The following DNHD1 variants were observed in gnomAD, a reference collection of about 807,000 sequenced individuals.
DNHD1 encodes dynein heavy chain domain-containing protein 1.
In DNHD1, 383 loss-of-function variants were observed where a neutral mutation model predicts 458.1. That is an observed-to-expected ratio of 0.84 (90% CI 0.77 to 0.91). The LOEUF is 0.91. DNHD1 is among the 40% of genes least tolerant of loss of function. DNHD1 has a pLI of 0.00. For synonymous variants in DNHD1, 2,203 were observed against 2,376.9 expected, an observed-to-expected ratio of 0.93 and a Z score of 2.13; for missense variants, 5,336 against 5,866.1, an observed-to-expected ratio of 0.91 and a Z score of 2.95.
At position 6,539,925 on chromosome 11, in the gene DNHD1, G is replaced by A. The variant is rs187615581; in HGVS notation, c.3470G>A (p.Arg1157Gln). The A allele has an allele frequency of 4.1e-5, 63 of 1,551,726 alleles. 1 individual carries two copies. In the East Asian group the frequency reaches 1.1e-3, roughly 27 times the overall value. Residue 1157 changes from arginine to glutamine, a missense_variant, in exon 18 of 43, where the codon CGG (arginine) becomes CAG (glutamine). Arg to Gln is a conservative substitution (Grantham distance 43, BLOSUM62 1). Transcript: ENST00000254579. ...ATTCATGCCCAAGAGACTATACGGC[G>A]GTTGCAGCGGTACTGGGAAGCGCGC... ...ERIHAQETIR[R>Q]LQRYWEARQL...
intron 14 of DNHD1, among the ~76,000 whole-genome samples, chr11:6,534,695 G>A (rs143472257): frequency 6.6e-6 from 1 of 152,168 alleles, no homozygotes; most frequent in Admixed American, 6.5e-5. Flanking sequence ...GTGCAGGTAA[G>A]CTGGTTCCCT....
intron 13 of DNHD1, 39 bp from the exon 14 acceptor site, chr11:6,533,642 G>A: frequency 6.6e-7 from 1 of 1,516,406 alleles, no homozygotes; most frequent in Admixed American, 2.0e-5. Flanking sequence ...AGGTACATGG[G>A]GTTGTGGGGC....
Position 6,563,387 on chromosome 11 carries a change from C to G in DNHD1, c.9675C>G (p.Ser3225Arg). ...GGGTATCTCTCCTCATTTAGATGAGCAAGGCATTTCTGGAGCCTCTGAGCC... is the reference window on the plus strand; with the variant it reads ...GGGTATCTCTCCTCATTTAGATGAGGAAGGCATTTCTGGAGCCTCTGAGCC... ...AQREAFLEQMSKAFLEPLSQL... is the reference protein window; with the variant it reads ...AQREAFLEQMRKAFLEPLSQL... The change falls in exon 30 of 43, where the codon AGC (serine) becomes AGG (arginine). Residue 3225 changes from serine (S) to arginine (R), a missense_variant. This residue lies in a region of DNHD1 where 3,932 missense variants were observed against 4,365.6 expected (regional missense o/e 0.90). Coordinates refer to ENST00000254579, the MANE Select transcript of DNHD1 (RefSeq NM_144666.3). The G allele has an allele frequency of 6.4e-7, 1 of 1,551,670 alleles. No homozygotes were observed. Among genetic ancestry groups the G allele is most frequent in the Non-Finnish European group, 8.7e-7 (1 of 1,146,958 alleles).
chr11:6,539,782 G>T, intron 17 of DNHD1, 94 bp from the exon 18 acceptor site: 1 of 1,192,530 alleles, frequency 8.4e-7, no homozygotes. Flanking sequence ...CCTGGCCCTT[G>T]AGTTCTGCCT....
intron 29 of DNHD1, 58 bp from the exon 30 acceptor site, chr11:6,563,324 T>G (rs77745918): frequency 0.016 from 24,859 of 1,537,956 alleles, 230 homozygotes; most frequent in Middle Eastern, 0.032. Flanking sequence ...AAAAACACCT[T>G]GAAGGAAGAA....
intron 34 of DNHD1, 54 bp from the exon 35 acceptor site, chr11:6,566,533 A>AC: frequency 6.3e-7 from 1 of 1,593,240 alleles, no homozygotes; most frequent in South Asian, 1.1e-5. Context: ...TGTCTACTCT[A>AC]CCCCCTGGCT....
Position 6,528,958 on chromosome 11 carries a change from G to C in DNHD1, c.2184G>C (p.Gly728=), listed in dbSNP as rs1203478179. 1 of 1,551,662 alleles carries C rather than the reference G, an allele frequency of 6.4e-7. No homozygotes were observed. Among genetic ancestry groups the C allele is most frequent in the East Asian group, 2.4e-5 (1 of 40,932 alleles). The change falls in exon 12 of 43, where the codon GGG becomes GGC. Residue 728 remains glycine (G), a synonymous_variant. Coordinates refer to ENST00000254579, the MANE Select transcript of DNHD1 (RefSeq NM_144666.3). ...TGIYEFLQSW[G]PQKLEDMRGG... ...TTTATGAATTCCTGCAATCCTGGGG[G>C]CCTCAGAAGCTGGAAGACATGAGAG...
intron 10 of DNHD1, among the ~76,000 whole-genome samples, chr11:6,524,000 T>A (rs932295607): frequency 1.6e-4 from 24 of 152,124 alleles, no homozygotes; most frequent in African/African-American, 2.4e-4. Flanking sequence ...TTAAAAAAAA[T>A]TTTCTCATTA....
chr11:6,517,468 G>A (rs1852500036), intron 7 of DNHD1, among the ~76,000 whole-genome samples: 2 of 152,008 alleles, frequency 1.3e-5, no homozygotes, highest in South Asian at 4.1e-4. Flanking sequence ...AAACATCGAT[G>A]TGTCCATCAA....
In DNHD1 at chr11:6,498,351, G is replaced by A. The variant is rs144649403; in HGVS notation, c.136G>A (p.Val46Met). ...CTGCCAGCAGAAACAGAGGCAGTTC[G>A]TGAAGCCAGTGACTGAGTCAGAGCA... ...LACQQKQRQF[V>M]KPVTESEQPT... The change falls in exon 3 of 43, where the codon GTG becomes ATG. Residue 46 changes from valine to methionine, a missense_variant. This residue lies in a region of DNHD1 where 3,932 missense variants were observed against 4,365.6 expected (regional missense o/e 0.90). Coordinates refer to ENST00000254579, the MANE Select transcript of DNHD1 (RefSeq NM_144666.3). 2.0e-5 allele frequency: 33 copies of A among 1,614,082 alleles called. No homozygotes were observed. In the African/African-American group the frequency reaches 2.8e-4, roughly 14 times the overall value.
intron 28 of DNHD1, among the ~76,000 whole-genome samples, chr11:6,561,328 T>C (rs1853583699): frequency 6.6e-6 from 1 of 152,106 alleles, no homozygotes; most frequent in South Asian, 2.1e-4. Context: ...CTCAGGAGTC[T>C]GAGGTGGGAG....
At position 6,571,726 on chromosome 11, in the gene DNHD1, G is replaced by A. The variant is rs761013723; in HGVS notation, c.14002G>A (p.Gly4668Arg). 1.9e-6 allele frequency: 3 copies of A among 1,612,668 alleles called. No individual in the cohort carries two copies. In the South Asian group the frequency reaches 3.3e-5, roughly 18 times the overall value. ...ACATGCGGAGTGGGACCCAATAGCT[G>A]GAGCCTTGCAGGACAGTCCTTCCAG... ...VLHAEWDPIA[G>R]ALQDSPSSQP... is the part of the protein sequence containing the mutation. Residue 4668 changes from glycine to arginine, a missense_variant, in exon 43 of 43, where the codon GGA becomes AGA. Physicochemically the swap from Gly to Arg is moderately radical, Grantham distance 125. This residue lies in a region of DNHD1 where 698 missense variants were observed against 664.9 expected (regional missense o/e 1.05). Coordinates refer to ENST00000254579, the MANE Select transcript of DNHD1 (RefSeq NM_144666.3). The surrounding 1 kb of genome is among the most constrained non-coding windows in gnomAD (Gnocchi z 5.0).
Position 6,570,776 on chromosome 11 carries a change from C to T in DNHD1, c.13264C>T (p.Pro4422Ser), listed in dbSNP as rs1475233679. The T allele has an allele frequency of 2.2e-5, 35 of 1,613,194 alleles. No individual in the cohort carries two copies. The highest frequency in any genetic ancestry group is 2.8e-5 in the Non-Finnish European group (33 of 1,179,552). ...ALLSALQRSS[P>S]VWVPESRRGA... is the part of the protein sequence containing the mutation. The stretch of plus-strand genomic sequence containing the variant: ...CTTGAGTGCGCTGCAGCGGAGTTCA[C>T]CCGTGTGGGTTCCTGAGTCTCGAAG... The change falls in exon 42 of 43, where the codon CCC becomes TCC. Residue 4422 changes from proline to serine, a missense_variant. Physicochemically the swap from Pro to Ser is moderately conservative, Grantham distance 74. This residue lies in a region of DNHD1 where 698 missense variants were observed against 664.9 expected (regional missense o/e 1.05). Coordinates refer to ENST00000254579, the MANE Select transcript of DNHD1 (RefSeq NM_144666.3).
chr11:6,532,064 G>A (rs1003599625), intron 12 of DNHD1, among the ~76,000 whole-genome samples: 4 of 152,060 alleles, frequency 2.6e-5, no homozygotes, highest in Non-Finnish European at 5.9e-5. Flanking sequence ...ACTTCAAAGG[G>A]AATTTGTGAG....
chr11:6,557,033 C>A lies in DNHD1; in HGVS notation c.7738C>A (p.Pro2580Thr). ...GGAGGCTGTGTGCAATTGCTTCATG[C>A]CTTCACCCCTCCACCCACACTACCA... ...AWEAVCNCFMPSPLHPHYHFS... is the reference protein window; with the variant it reads ...AWEAVCNCFMTSPLHPHYHFS... Residue 2580 changes from proline to threonine, a missense_variant, in exon 25 of 43, where the codon CCT becomes ACT. Pro to Thr is a conservative substitution (Grantham distance 38). Transcript: ENST00000254579. 9.0e-6 allele frequency: 14 copies of A among 1,551,534 alleles called. No homozygotes were observed. The highest frequency in any genetic ancestry group is 1.2e-5 in the Non-Finnish European group (14 of 1,146,956).
Position 6,497,908 on chromosome 11 carries a change from G to A in DNHD1, c.-308G>A. The stretch of plus-strand genomic sequence containing the variant: ...TTCTGCAAGGAGGGCTCTCACGTCT[G>A]TCTTAGGCCTGCTCCTTACCAGAGT... On this transcript the variant is annotated 5_prime_UTR_variant, in exon 3 of 43. Coordinates refer to ENST00000254579, the MANE Select transcript of DNHD1 (RefSeq NM_144666.3). 1 of 423,980 alleles carries A rather than the reference G, an allele frequency of 2.4e-6. No individual in the cohort carries two copies. Among genetic ancestry groups the A allele is most frequent in the Non-Finnish European group, 4.3e-6 (1 of 230,730 alleles). 26.3% of individuals were successfully genotyped at this position (423,980 alleles called of 1,614,324 possible). A position where few individuals can be genotyped will look rare whatever the true frequency, so the allele number is the denominator to read the frequency against.
At position 6,547,549 on chromosome 11, in the gene DNHD1, G is replaced by A. The variant is rs189145820; in HGVS notation, c.6610G>A (p.Val2204Ile). Reference sequence around the variant, plus strand: ...CCAAGGTGTCAGCTCTCTGCTGCAGGTACACGGGCAGCAGGCTGTTTGTGC... The same window carrying A: ...CCAAGGTGTCAGCTCTCTGCTGCAGATACACGGGCAGCAGGCTGTTTGTGC... Reference protein sequence around the residue: ...TCQGVSSLLQVHGQQAVCAGV... With the variant: ...TCQGVSSLLQIHGQQAVCAGV... Residue 2204 changes from valine (V) to isoleucine (I), a missense_variant, in exon 21 of 43, where the codon GTA becomes ATA. Val to Ile is a conservative substitution (Grantham distance 29). Around this residue, in one of 4 missense-constraint regions of DNHD1, gnomAD observed 3,932 missense variants for 4,365.6 expected, o/e 0.90. Transcript: ENST00000254579. The A allele has an allele frequency of 5.8e-6, 9 of 1,551,124 alleles. No homozygotes were observed. In the Admixed American group the frequency reaches 1.2e-4, roughly 20 times the overall value.
Position 6,545,185 on chromosome 11 carries a change from C to T in DNHD1, c.4246C>T (p.Gln1416Ter), listed in dbSNP as rs1300018306. Residue 1416 changes from glutamine to a stop codon, truncating the protein, a stop_gained, in exon 21 of 43, where the codon CAG becomes TAG. Coordinates refer to ENST00000254579, the MANE Select transcript of DNHD1 (RefSeq NM_144666.3). LOFTEE classifies it high-confidence loss of function. The surrounding 1 kb of genome is among the most constrained non-coding windows in gnomAD (Gnocchi z 4.9). ...TGACTGGGAGTCAAGCCCAAACACACAGACTCAGGTGGAGGCACTTGCAGT... is the reference window on the plus strand; with the variant it reads ...TGACTGGGAGTCAAGCCCAAACACATAGACTCAGGTGGAGGCACTTGCAGT... ...TDDWESSPNTQTQVEALAVLG... is the reference protein window; with the variant it reads ...TDDWESSPNT 2.6e-6 allele frequency: 4 copies of T among 1,551,892 alleles called. No homozygotes were observed. The highest frequency in any genetic ancestry group is 3.5e-6 in the Non-Finnish European group (4 of 1,147,070).
chr11:6,570,607 C>A lies in DNHD1; in HGVS notation c.13106-11C>A, dbSNP rs773509959. 6.3e-7 allele frequency: 1 copy of A among 1,591,222 alleles called. No individual in the cohort carries two copies. Among genetic ancestry groups the A allele is most frequent in the Non-Finnish European group, 8.6e-7 (1 of 1,167,804 alleles). On this transcript the variant is annotated splice_polypyrimidine_tract_variant and intron_variant, in intron 41 of 42. Coordinates refer to ENST00000254579, the MANE Select transcript of DNHD1 (RefSeq NM_144666.3). ...CCATCTTGTCCCTCACCCCTCACCTCTATCCCCAAGAGCTAAGGGAGCTGG... is the reference window on the plus strand; with the variant it reads ...CCATCTTGTCCCTCACCCCTCACCTATATCCCCAAGAGCTAAGGGAGCTGG...
Sources: allele counts gnomAD v4.1 joint callset (sites outside exome capture counted in the v4.1 genomes callset), GRCh38; gene constraint gnomAD v4.1.1; regional missense constraint gnomAD v4.1.1; non-coding constraint Gnocchi (gnomAD v3.1); transcripts MANE v1.5; gene names NCBI Gene and HGNC (gene_info 2026-07-23, HGNC 2026-07-21).